SPPL2A: variants seen among roughly 807,000 people sequenced by gnomAD.
SPPL2A encodes the protein signal peptide peptidase like 2A.
Under a neutral mutation model 63.8 loss-of-function variants are expected in SPPL2A, and 51 were observed. That is an observed-to-expected ratio of 0.80 (90% CI 0.64 to 1.01). SPPL2A has a LOEUF of 1.01. Ranked by LOEUF, SPPL2A falls within the 50% of genes least tolerant of loss-of-function variation. The probability of loss-of-function intolerance (pLI) is 0.00; values close to 1 mark genes in which losing one functional copy is unlikely to be tolerated. For synonymous variants in SPPL2A, 188 were observed against 205.8 expected (o/e 0.91, Z 0.74); for missense variants, 553 against 622.7 (o/e 0.89, Z 1.19).
rs199669835 is a variant in SPPL2A at position 50,726,371 on chromosome 15, C to T, written c.1096G>A (p.Glu366Lys). The T allele has an allele frequency of 6.8e-5, 109 of 1,613,708 alleles. No homozygotes were observed. The African/African-American group carries it at 9.9e-4, about 15-fold the overall frequency. The change falls in exon 11 of 15, where the codon GAG (glutamate) becomes AAG (lysine). Residue 366 changes from glutamate (E) to lysine (K), a missense_variant. Coordinates refer to ENST00000261854, the MANE Select transcript of SPPL2A (RefSeq NM_032802.4). ...GCTGCGAGTTCAACCATGATACTCT[C>T]ACCATTCTAAAATTGAGAAGGAAAA... Reference protein sequence around the residue: ...FITPFITKNGESIMVELAAGP... With the variant: ...FITPFITKNGKSIMVELAAGP...
At chr15:50,757,830 A>G (rs1427775721) in intron 1 of SPPL2A, among the ~76,000 whole-genome samples, 1 of 151,746 alleles carries the variant, frequency 6.6e-6, no homozygotes, top group Non-Finnish European at 1.5e-5. Context: ...CTAAAAATAC[A>G]AAAATTAGCC....
At chr15:50,754,888 C>A (rs28393946) in intron 1 of SPPL2A, among the ~76,000 whole-genome samples, 61,158 of 150,038 alleles carry the variant, frequency 0.41, 12,873 homozygotes, top group East Asian at 0.58. Context: ...AGGCTGAGGC[C>A]GGAGAATCAC....
chr15:50,728,366 C>CG (rs759545216), intron 10 of SPPL2A, among the ~76,000 whole-genome samples: 1 of 152,108 alleles, frequency 6.6e-6, no homozygotes, highest in Non-Finnish European at 1.5e-5. Flanking sequence ...ATTTTTGAGA[C>CG]GGAGTCTCAC....
At chr15:50,739,952 TTTTA>T (rs1431619595) in intron 5 of SPPL2A, 124 bp from the exon 6 acceptor site, 2 of 454,408 alleles carry the variant, frequency 4.4e-6, no homozygotes, top group African/African-American at 4.1e-5. Context: ...ATTAAAATAT[TTTTA>T]TTTTATTATT....
chr15:50,707,906 A>G (rs1486751989), intron 14 of SPPL2A, 32 bp from the exon 15 acceptor site: 5 of 1,213,324 alleles, frequency 4.1e-6, no homozygotes, highest in Non-Finnish European at 6.1e-6. Context: ...TAGGAAATGC[A>G]AAATTTCAAC....
chr15:50,738,740 T>C (rs2062794544), intron 6 of SPPL2A, among the ~76,000 whole-genome samples: 1 of 152,084 alleles, frequency 6.6e-6, no homozygotes, highest in Non-Finnish European at 1.5e-5. Flanking sequence ...TGTCCAGGGA[T>C]GGCAAATTTC....
At chr15:50,721,844 G>T (rs1325893865) in intron 13 of SPPL2A, among the ~76,000 whole-genome samples, 1 of 152,082 alleles carries the variant, frequency 6.6e-6, no homozygotes, top group Admixed American at 6.6e-5. Context: ...TTGCCCTTAT[G>T]ATCTGCCTGC....
Position 50,761,168 on chromosome 15 carries a change from C to G in SPPL2A, c.66+4300G>C, listed in dbSNP as rs114041783. ...GGGACTAGAGACACAAGCCACCATG[C>G]TCAGCTAATTTTTTAATTTTTTGTA... is the stretch of plus-strand genomic sequence containing the variant. On this transcript the variant is annotated intron_variant, in intron 1 of 14. Transcript: ENST00000261854. 2.8e-3 allele frequency among the ~76,000 whole-genome samples: 413 copies of G among 145,858 alleles called. 1 individual carries two copies. The highest frequency in any genetic ancestry group is 9.6e-3 in the African/African-American group (394 of 41,218).
At chr15:50,725,431 T>G (rs1430887716) in intron 11 of SPPL2A, 108 bp from the exon 12 acceptor site, 1 of 677,316 alleles carries the variant, frequency 1.5e-6, no homozygotes, top group Non-Finnish European at 2.6e-6. Flanking sequence ...TACTAATTTA[T>G]TTTTTGGAGA....
intron 14 of SPPL2A, among the ~76,000 whole-genome samples, chr15:50,718,630 G>A (rs2062619050): frequency 6.6e-6 from 1 of 152,102 alleles, no homozygotes; most frequent in South Asian, 2.1e-4. Context: ...ACAGCTTTGT[G>A]ATGTAGGCAA....
At position 50,765,572 on chromosome 15, in the gene SPPL2A, G is replaced by A. The variant is rs1214972011; in HGVS notation, c.-39C>T. 6 of 1,346,076 alleles carry A rather than the reference G, an allele frequency of 4.5e-6. No homozygotes were observed. In the South Asian group the frequency reaches 9.9e-5, roughly 22 times the overall value. 83.4% of individuals were successfully genotyped at this position (1,346,076 alleles called of 1,614,324 possible). On this transcript the variant is annotated 5_prime_UTR_variant, in exon 1 of 15. Coordinates refer to ENST00000261854, the MANE Select transcript of SPPL2A (RefSeq NM_032802.4). ...GCCGGGTGGGACGGCACGGTGCGGC[G>A]CAGCTCACTCGGCGGGGTAGGCTCG...
At position 50,747,502 on chromosome 15, in the gene SPPL2A, C is replaced by T. The variant is rs548255752; in HGVS notation, c.577G>A (p.Val193Ile). ...VALGGYWSGL[V>I]ELENLKAVTT... is the part of the protein sequence containing the mutation. ...TAAGTTAATTAAACTTACAATTCAA[C>T]TAGTCCACTCCAGTATCCACCTAAT... is the stretch of plus-strand genomic sequence containing the variant. The change falls in exon 5 of 15, where the codon GTT becomes ATT. Residue 193 changes from valine (V) to isoleucine (I), a missense_variant. Val to Ile is a conservative substitution (Grantham distance 29, BLOSUM62 3). Transcript: ENST00000261854. The T allele has an allele frequency of 6.2e-7, 1 of 1,603,120 alleles. No homozygotes were observed. Among genetic ancestry groups the T allele is most frequent in the African/African-American group, 1.3e-5 (1 of 74,386 alleles).
chr15:50,717,859 G>A (rs2062609229), intron 14 of SPPL2A, among the ~76,000 whole-genome samples: 1 of 151,588 alleles, frequency 6.6e-6, no homozygotes. Context: ...GAAACCACAA[G>A]CACTGGATAT....
At chr15:50,763,404 G>A (rs539076293) in intron 1 of SPPL2A, among the ~76,000 whole-genome samples, 4 of 152,208 alleles carry the variant, frequency 2.6e-5, no homozygotes, top group Admixed American at 2.6e-4. Context: ...AGCTGGTATC[G>A]AAAAAAGATC....
At chr15:50,751,647 A>G (rs2062907299) in intron 1 of SPPL2A, among the ~76,000 whole-genome samples, 1 of 152,176 alleles carries the variant, frequency 6.6e-6, no homozygotes, top group South Asian at 2.1e-4. Context: ...TTGATGAGTA[A>G]GTAATCTATG....
Position 50,725,334 on chromosome 15 carries a change from A to T in SPPL2A, c.1147-11T>A. ...GATGACTACTGGCAACTGTTCAAAA[A>T]CAAAACAAAACAAAACAAAACAAAA... is the stretch of plus-strand genomic sequence containing the variant. On this transcript the variant is annotated splice_polypyrimidine_tract_variant and intron_variant, in intron 11 of 14. Transcript: ENST00000261854. The T allele has an allele frequency of 2.0e-6, 1 of 497,348 alleles. No individual in the cohort carries two copies. The allele number at this position is 497,348 out of a possible 1,614,324, so 30.8% of individuals were successfully genotyped here.
At chr15:50,730,695 C>T (rs904816685) in intron 10 of SPPL2A, among the ~76,000 whole-genome samples, 1 of 152,008 alleles carries the variant, frequency 6.6e-6, no homozygotes, top group Non-Finnish European at 1.5e-5. Context: ...ATATTGCCTA[C>T]AGTAAACATT....
chr15:50,734,543 G>C (rs774461445), intron 8 of SPPL2A, among the ~76,000 whole-genome samples: 1 of 152,154 alleles, frequency 6.6e-6, no homozygotes, highest in African/African-American at 2.4e-5. Flanking sequence ...GAGTGGGGGT[G>C]ATAAAGTGAA....
At chr15:50,717,769 A>G (rs1351982488) in intron 14 of SPPL2A, among the ~76,000 whole-genome samples, 1 of 151,372 alleles carries the variant, frequency 6.6e-6, no homozygotes, top group African/African-American at 2.5e-5. Flanking sequence ...AACATGGAAC[A>G]CACAGCTCAG....
Sources: allele counts gnomAD v4.1 joint callset (sites outside exome capture counted in the v4.1 genomes callset), GRCh38; gene constraint gnomAD v4.1.1; transcripts MANE v1.5; gene names NCBI Gene and HGNC (gene_info 2026-07-23, HGNC 2026-07-21).